Variants in C12orf76 observed in about 807,000 individuals in gnomAD.
C12orf76 encodes the protein chromosome 12 open reading frame 76.
C12orf76 carries 6 observed loss-of-function variants against 6.8 expected under a neutral mutation model. The observed-to-expected ratio is 0.88, with a 90% confidence interval of 0.48 to 1.73. The LOEUF (loss-of-function observed/expected upper bound fraction) is 1.73, where lower values mean the gene tolerates loss of function less well. Ranked by LOEUF, C12orf76 falls within the 40% of genes most tolerant of loss-of-function variation. C12orf76 has a pLI of 0.01. For missense variants in C12orf76, 99 were observed against 98.2 expected (o/e 1.01, Z -0.03); for synonymous variants, 56 against 43.7 (o/e 1.28, Z -1.11).
intron 1 of C12orf76, among the ~76,000 whole-genome samples, chr12:110,046,777 G>T (rs1892460574): frequency 1.3e-5 from 2 of 152,168 alleles, no homozygotes; most frequent in East Asian, 3.9e-4. Flanking sequence ...ATCCAATGGG[G>T]ATTTGGCGTA....
chr12:110,067,800 C>T (rs1191240960), upstream of C12orf76: 3 of 152,402 alleles, frequency 2.0e-5, no homozygotes, highest in Non-Finnish European at 4.4e-5. Flanking sequence ...TCACACCCAA[C>T]CAATCAGAGT....
chr12:110,067,723 AC>A, upstream of C12orf76: 1 of 230,284 alleles, frequency 4.3e-6, no homozygotes, highest in Non-Finnish European at 7.2e-6. Flanking sequence ...CCAGCACATG[AC>A]CCAGACTGGC....
intron 2 of C12orf76, among the ~76,000 whole-genome samples, chr12:110,065,583 G>C (rs1892845617): frequency 6.6e-6 from 1 of 152,000 alleles, no homozygotes; most frequent in South Asian, 2.1e-4. Flanking sequence ...TCCCAGCTTT[G>C]TCCACATCTC....
rs1390660075 is a variant in C12orf76 at position 110,056,585 on chromosome 12, AAAG to A, written n.664+601_664+603del. Among the ~76,000 whole-genome samples the A allele has an allele frequency of 2.6e-5, 4 of 152,146 alleles. No individual in the cohort carries two copies. In the East Asian group the frequency reaches 5.8e-4, roughly 22 times the overall value. On this transcript the variant is annotated intron_variant and non_coding_transcript_variant, in intron 4 of 4. Coordinates refer to the C12orf76 transcript ENST00000309050. Reference sequence around the variant, plus strand: ...ACACAGTAAGACTCCAGTCTCTTAAAAAGAAGAAGAAAAAGAGGAAAGCTGGAA... The same window carrying A: ...ACACAGTAAGACTCCAGTCTCTTAAAAAGAAGAAAAAGAGGAAAGCTGGAA...
upstream of C12orf76, among the ~76,000 whole-genome samples, chr12:110,072,261 TAAA>T (rs1210182713): frequency 1.6e-5 from 2 of 124,394 alleles, no homozygotes; most frequent in Non-Finnish European, 1.7e-5. Flanking sequence ...ACCCCAAATC[TAAA>T]AAAAAAAAAA....
chr12:110,072,944 A>C (rs1205326277), intron 1 of C12orf76, among the ~76,000 whole-genome samples: 1 of 144,896 alleles, frequency 6.9e-6, no homozygotes, highest in Non-Finnish European at 1.5e-5. Flanking sequence ...GCGAGACTTC[A>C]TCTCAAAAAA....
chr12:110,042,711 G>T, intron 1 of C12orf76: 1 of 641,160 alleles, frequency 1.6e-6, no homozygotes, highest in South Asian at 1.7e-5. Flanking sequence ...GATGGAGACA[G>T]GGTGGGCAGC....
upstream of C12orf76, among the ~76,000 whole-genome samples, chr12:110,070,770 GTTTTGTTTTTGT>G (rs914240105): frequency 2.0e-5 from 3 of 152,000 alleles, no homozygotes; most frequent in Non-Finnish European, 4.4e-5. Context: ...AGCATGTTTT[GTTTTGTTTTTGT>G]TTTTGTTTTT....
intron 2 of C12orf76, among the ~76,000 whole-genome samples, chr12:110,060,634 C>T (rs867263052): frequency 2.6e-5 from 4 of 152,272 alleles, no homozygotes; most frequent in Non-Finnish European, 2.9e-5. Context: ...AGCCCTTCTC[C>T]GGGGTCGGTT....
chr12:110,067,202 G>A (rs920002547), intron 1 of C12orf76, among the ~76,000 whole-genome samples: 1 of 152,186 alleles, frequency 6.6e-6, no homozygotes, highest in African/African-American at 2.4e-5. Flanking sequence ...TGGTGCCATC[G>A]TAAGCGGCTT....
chr12:110,066,397 A>C lies in C12orf76; in HGVS notation n.207-364T>G, dbSNP rs1352378956. On this transcript the variant is annotated intron_variant and non_coding_transcript_variant, in intron 1 of 4. Transcript: ENST00000309050. ...AAAAAAAAAAAAAAAAAAAAAAAAAAAAAAAAACGGCTGGGCGCGGTGGCT... is the reference window on the plus strand; with the variant it reads ...AAAAAAAAAAAAAAAAAAAAAAAAACAAAAAAACGGCTGGGCGCGGTGGCT... Among the ~76,000 whole-genome samples, 24 of 143,870 alleles carry C rather than the reference A, an allele frequency of 1.7e-4. 1 individual carries two copies. The highest frequency in any genetic ancestry group is 9.1e-4 in the Admixed American group (13 of 14,316). The allele number at this position is 143,870 out of a possible 152,430, so 94.4% of individuals were successfully genotyped here.
chr12:110,043,290 C>G (rs1892363705), intron 1 of C12orf76, among the ~76,000 whole-genome samples: 1 of 151,162 alleles, frequency 6.6e-6, no homozygotes, highest in Non-Finnish European at 1.5e-5. Flanking sequence ...CCTTGGAGAC[C>G]ATGAAGAAAA....
upstream of C12orf76, chr12:110,051,307 T>C (rs902974818): frequency 2.8e-6 from 2 of 703,622 alleles, no homozygotes; most frequent in African/African-American, 1.7e-5. Flanking sequence ...CTCTGCACAA[T>C]GGGAAGCATA....
At chr12:110,046,553 T>A (rs1892453436) in intron 1 of C12orf76, among the ~76,000 whole-genome samples, 1 of 152,264 alleles carries the variant, frequency 6.6e-6, no homozygotes, top group Non-Finnish European at 1.5e-5. Flanking sequence ...CTACTGTGCA[T>A]GACTAATAAC....
intron 4 of C12orf76, among the ~76,000 whole-genome samples, chr12:110,056,486 C>T (rs1447325777): frequency 6.6e-6 from 1 of 151,820 alleles, no homozygotes; most frequent in African/African-American, 2.4e-5. Flanking sequence ...TGGTGCATGC[C>T]TATAGTCACA....
upstream of C12orf76, among the ~76,000 whole-genome samples, chr12:110,070,667 T>G (rs1892951079): frequency 6.6e-6 from 1 of 152,230 alleles, no homozygotes; most frequent in African/African-American, 2.4e-5. Context: ...ATGTAATCCC[T>G]GTATTAATGC....
At chr12:110,042,933 CAGCTACTCAGGAGGCTACTCCTG>C (rs1892352397) in intron 1 of C12orf76, among the ~76,000 whole-genome samples, 1 of 152,016 alleles carries the variant, frequency 6.6e-6, no homozygotes, top group East Asian at 1.9e-4. Context: ...TGGCATCCGC[CAGCTACTCAGGAGGCTACTCCTG>C]AGCTACTCAG....
intron 2 of C12orf76, chr12:110,059,181 G>A: frequency 2.0e-6 from 3 of 1,535,776 alleles, no homozygotes; most frequent in Non-Finnish European, 2.6e-6. Flanking sequence ...AAAAAAAAAT[G>A]CACACACACA....
Position 110,059,092 on chromosome 12 carries a change from C to T in C12orf76, n.452G>A, listed in dbSNP as rs1023197684. The T allele has an allele frequency of 2.3e-5, 36 of 1,551,714 alleles. No individual in the cohort carries two copies. The African/African-American group carries it at 4.2e-4, about 18-fold the overall frequency. On this transcript the variant is annotated non_coding_transcript_exon_variant, in exon 3 of 5. Coordinates refer to the C12orf76 transcript ENST00000309050. ...AGCTCTGAACGCAGCCATCTGGCTCCACAGCCTCAGCTCTCTTAAATGCTA... is the reference window on the plus strand; with the variant it reads ...AGCTCTGAACGCAGCCATCTGGCTCTACAGCCTCAGCTCTCTTAAATGCTA...
Sources: allele counts gnomAD v4.1 joint callset (sites outside exome capture counted in the v4.1 genomes callset), GRCh38; gene constraint gnomAD v4.1.1; transcripts MANE v1.5; gene names NCBI Gene and HGNC (gene_info 2026-07-23, HGNC 2026-07-21).